FBXL17: variants seen among roughly 807,000 people sequenced by gnomAD.
The protein encoded by FBXL17 is F-box and leucine rich repeat protein 17.
In FBXL17, 22 loss-of-function variants were observed where a neutral mutation model predicts 66.2. The observed-to-expected ratio is 0.33, with a 90% CI of 0.24 to 0.47. The LOEUF (loss-of-function observed/expected upper bound fraction) is 0.47, where lower values mean the gene tolerates loss of function less well. Ranked by LOEUF, FBXL17 falls within the 20% of genes least tolerant of loss-of-function variation. The pLI, the probability that FBXL17 is intolerant of heterozygous loss-of-function variation, is 1.00. For synonymous variants in FBXL17, 474 were observed against 400.5 expected, an observed-to-expected ratio of 1.18 and a Z score of -2.19; for missense variants, 878 against 948.2, an observed-to-expected ratio of 0.93 and a Z score of 0.97.
At chr5:107,933,559 T>C (rs1274373781) in intron 7 of FBXL17, among the ~76,000 whole-genome samples, 2 of 152,164 alleles carry the variant, frequency 1.3e-5, no homozygotes, top group Non-Finnish European at 1.5e-5. Flanking sequence ...ATTTCAAACA[T>C]GCAAGGAATT....
intron 6 of FBXL17, among the ~76,000 whole-genome samples, chr5:108,088,777 C>T (rs1456005396): frequency 7.2e-6 from 1 of 139,824 alleles, no homozygotes; most frequent in African/African-American, 2.6e-5. Flanking sequence ...TCTATCCCTT[C>T]TCACTCTATT....
chr5:108,380,986 C>T lies in FBXL17; in HGVS notation c.706G>A (p.Gly236Ser). 1.6e-6 allele frequency: 2 copies of T among 1,212,672 alleles called. No homozygotes were observed. The allele number at this position is 1,212,672 out of a possible 1,614,324, so 75.1% of individuals were successfully genotyped here. A position where few individuals can be genotyped will look rare whatever the true frequency, so the allele number is the denominator to read the frequency against. ...TCGGGGGGCCGGGGCGGCGAAGCGCCTCCCCCCGCAGGCCCTCCCCCGCCA... is the reference window on the plus strand; with the variant it reads ...TCGGGGGGCCGGGGCGGCGAAGCGCTTCCCCCCGCAGGCCCTCCCCCGCCA... ...GGGGGGPAGG[G>S]ASPPRPPDAG... Residue 236 changes from glycine (G) to serine (S), a missense_variant, in exon 1 of 9, where the codon GGC (glycine) becomes AGC (serine). Gly to Ser is a moderately conservative substitution (Grantham distance 56). Coordinates refer to ENST00000542267, the MANE Select transcript of FBXL17 (RefSeq NM_001163315.3).
intron 5 of FBXL17, among the ~76,000 whole-genome samples, chr5:108,198,482 AT>A (rs1338817499): frequency 6.6e-6 from 1 of 152,162 alleles, no homozygotes; most frequent in East Asian, 1.9e-4. Flanking sequence ...ATTGTACTTG[AT>A]TTCATTTTTC....
At position 107,913,970 on chromosome 5, in the gene FBXL17, T is replaced by A. The variant is rs561099021; in HGVS notation, c.1823-32791A>T. ...GGGAAAGACTTTAGGTTTCATTTTA[T>A]GAGTTTTTTTTTTTTTAACAGGAGG... On this transcript the variant is annotated intron_variant, in intron 7 of 8. Coordinates refer to ENST00000542267, the MANE Select transcript of FBXL17 (RefSeq NM_001163315.3). Among the ~76,000 whole-genome samples the A allele has an allele frequency of 5.2e-5, 7 of 135,518 alleles. No individual in the cohort carries two copies. The South Asian group carries it at 1.6e-3, about 31-fold the overall frequency. The allele number at this position is 135,518 out of a possible 152,430, so 88.9% of individuals were successfully genotyped here.
intron 7 of FBXL17, among the ~76,000 whole-genome samples, chr5:107,912,560 T>C (rs1749986076): frequency 6.6e-6 from 1 of 152,170 alleles, no homozygotes; most frequent in African/African-American, 2.4e-5. Context: ...AGCATGTTAT[T>C]GACAGATATT....
chr5:108,058,907 T>C (rs1404833441), intron 6 of FBXL17, among the ~76,000 whole-genome samples: 1 of 152,156 alleles, frequency 6.6e-6, no homozygotes, highest in African/African-American at 2.4e-5. Context: ...TAGCTGAATA[T>C]GTCTGTGGGT....
At chr5:107,875,904 C>A (rs1232039893) in intron 8 of FBXL17, among the ~76,000 whole-genome samples, 2 of 152,246 alleles carry the variant, frequency 1.3e-5, no homozygotes, top group Non-Finnish European at 1.5e-5. Context: ...TAGGCTCACA[C>A]AGAGGCGGCT....
chr5:108,354,921 T>C (rs1405824554), intron 3 of FBXL17, among the ~76,000 whole-genome samples: 1 of 152,012 alleles, frequency 6.6e-6, no homozygotes, highest in Non-Finnish European at 1.5e-5. Flanking sequence ...CTATAGCCTG[T>C]GAAATTATCT....
At chr5:108,071,652 TTCC>T (rs1748339127) in intron 6 of FBXL17, among the ~76,000 whole-genome samples, 5 of 152,022 alleles carry the variant, frequency 3.3e-5, no homozygotes, top group African/African-American at 1.2e-4. Context: ...CTTTCTCTGT[TTCC>T]TCATGTTCAA....
intron 7 of FBXL17, among the ~76,000 whole-genome samples, chr5:107,924,193 C>T (rs1750420134): frequency 6.6e-6 from 1 of 150,626 alleles, no homozygotes; most frequent in African/African-American, 2.4e-5. Flanking sequence ...CTTTGCAAGA[C>T]TTGTCTTCTG....
chr5:108,373,366 A>T lies in FBXL17; in HGVS notation c.994-5413T>A, dbSNP rs865903275. The stretch of plus-strand genomic sequence containing the variant: ...ATATAATATATCTAAATATATATTA[A>T]TATAAATATATATCTAAATATATTA... On this transcript the variant is annotated intron_variant, in intron 1 of 8. Transcript: ENST00000542267. Among the ~76,000 whole-genome samples the T allele has an allele frequency of 8.2e-4, 37 of 45,374 alleles. 1 individual carries two copies. In the Middle Eastern group the frequency reaches 0.048, roughly 59 times the overall value. The allele number at this position is 45,374 out of a possible 152,430, so 29.8% of individuals were successfully genotyped here. A position where few individuals can be genotyped will look rare whatever the true frequency, so the allele number is the denominator to read the frequency against.
chr5:108,243,157 G>GT (rs1314538439), intron 4 of FBXL17, among the ~76,000 whole-genome samples: 1 of 152,174 alleles, frequency 6.6e-6, no homozygotes, highest in Non-Finnish European at 1.5e-5. Context: ...ATGTGTTAAA[G>GT]TATTGTGAAA....
rs1001419224 is a variant in FBXL17, at chr5:108,186,385, G to T, written c.1615-138C>A. On this transcript the variant is annotated intron_variant, in intron 5 of 8. Transcript: ENST00000542267. The stretch of plus-strand genomic sequence containing the variant: ...GATAGGCTAGAATCTTTTAATTAAA[G>T]ATATTGTATATGTAATATTTTATAC... 2.1e-5 allele frequency: 13 copies of T among 631,664 alleles called. No individual in the cohort carries two copies. In the African/African-American group the frequency reaches 2.4e-4, roughly 12 times the overall value. 39.1% of individuals were successfully genotyped at this position (631,664 alleles called of 1,614,324 possible). A position where few individuals can be genotyped will look rare whatever the true frequency, so the allele number is the denominator to read the frequency against.
chr5:108,065,195 G>A (rs1205866504), intron 6 of FBXL17, among the ~76,000 whole-genome samples: 1 of 152,084 alleles, frequency 6.6e-6, no homozygotes, highest in Non-Finnish European at 1.5e-5. Flanking sequence ...ACATATGTAT[G>A]TATATATACA....
chr5:108,176,818 T>A lies in FBXL17; in HGVS notation c.1745+9299A>T, dbSNP rs140865261. 2.7e-3 allele frequency among the ~76,000 whole-genome samples: 416 copies of A among 152,210 alleles called. 3 individuals are homozygous for A. The highest frequency in any genetic ancestry group is 8.6e-3 in the African/African-American group (356 of 41,552). ...ACTACCTACCAAACAACTGAAAAAGTTTATTTAAATTTGAATGCACTAAGA... is the reference window on the plus strand; with the variant it reads ...ACTACCTACCAAACAACTGAAAAAGATTATTTAAATTTGAATGCACTAAGA... On this transcript the variant is annotated intron_variant, in intron 6 of 8. Coordinates refer to ENST00000542267, the MANE Select transcript of FBXL17 (RefSeq NM_001163315.3).
intron 4 of FBXL17, among the ~76,000 whole-genome samples, chr5:108,264,060 C>G (rs1256678742): frequency 2.6e-5 from 4 of 151,620 alleles, no homozygotes; most frequent in Admixed American, 2.6e-4. Flanking sequence ...ACTAAAAATA[C>G]AAAAATTATC....
chr5:108,055,297 AAAAAAAAAAAAAAAAAG>A (rs1379404834), intron 6 of FBXL17, among the ~76,000 whole-genome samples: 374 of 31,942 alleles, frequency 0.012, 21 homozygotes, highest in African/African-American at 0.044. Context: ...AAAAAAAAAA[AAAAAAAAAAAAAAAAAG>A]AAAAACGCTT....
At chr5:107,873,951 G>A (rs757001700) in intron 8 of FBXL17, among the ~76,000 whole-genome samples, 1 of 151,668 alleles carries the variant, frequency 6.6e-6, no homozygotes, top group South Asian at 2.1e-4. Flanking sequence ...CATAACAGAG[G>A]CCAGCAAAAC....
At chr5:108,217,693 G>C (rs1369051688) in intron 5 of FBXL17, among the ~76,000 whole-genome samples, 2 of 152,072 alleles carry the variant, frequency 1.3e-5, no homozygotes, top group African/African-American at 4.8e-5. Context: ...ATAGTCTATA[G>C]TCTATGATGT....
Sources: allele counts gnomAD v4.1 joint callset (sites outside exome capture counted in the v4.1 genomes callset), GRCh38; gene constraint gnomAD v4.1.1; transcripts MANE v1.5; gene names NCBI Gene and HGNC (gene_info 2026-07-23, HGNC 2026-07-21).